The following ADGRG3 variants were observed in gnomAD, a reference collection of about 807,000 sequenced individuals.
ADGRG3 encodes the protein G protein-coupled receptor 97.
Under a neutral mutation model 54.3 loss-of-function variants are expected in ADGRG3, and 39 were observed. The observed-to-expected ratio is 0.72, with a 90% confidence interval of 0.56 to 0.94. ADGRG3 has a LOEUF of 0.94. ADGRG3 is among the 40% of genes least tolerant of loss of function. The pLI is 0.00. For synonymous variants in ADGRG3, 312 were observed against 290.0 expected (o/e 1.08, Z -0.77); for missense variants, 654 against 694.6 (o/e 0.94, Z 0.66).
intron 1 of ADGRG3, among the ~76,000 whole-genome samples, chr16:57,669,694 GCATTCATT>G (rs150185008): frequency 3.9e-5 from 6 of 152,144 alleles, no homozygotes; most frequent in Admixed American, 3.3e-4. Context: ...CTCCATTTGC[GCATTCATT>G]CATTCATTCA....
intron 8 of ADGRG3, among the ~76,000 whole-genome samples, chr16:57,683,144 A>G (rs1208258977): frequency 6.6e-6 from 1 of 152,210 alleles, no homozygotes; most frequent in Non-Finnish European, 1.5e-5. Context: ...CATTGAGAAC[A>G]GTGGGAAGAG....
At chr16:57,682,122 G>A (rs1597775443) in intron 8 of ADGRG3, among the ~76,000 whole-genome samples, 1 of 152,238 alleles carries the variant, frequency 6.6e-6, no homozygotes, top group East Asian at 1.9e-4. Context: ...CGTTCCTTAG[G>A]GAAACCTGGG....
Position 57,684,221 on chromosome 16 carries a change from T to G in ADGRG3, c.1162+9T>G. The G allele has an allele frequency of 6.2e-7, 1 of 1,609,714 alleles. No individual in the cohort carries two copies. The highest frequency in any genetic ancestry group is 8.5e-7 in the Non-Finnish European group (1 of 1,177,364). ...GAGCCTGGTGGGCTGGGGTAGGTGC[T>G]GCCTGGATGGACAGAATAAACGGCC... On this transcript the variant is annotated intron_variant, in intron 9 of 11. Transcript: ENST00000333493.
chr16:57,687,951 A>G (rs752018202), intron 11 of ADGRG3, among the ~76,000 whole-genome samples: 5 of 152,178 alleles, frequency 3.3e-5, no homozygotes, highest in African/African-American at 4.8e-5. Flanking sequence ...TTTCCTTGAA[A>G]CATAGAGTTT....
chr16:57,678,394 C>G (rs533642601), intron 4 of ADGRG3, 78 bp downstream of exon 4: 13 of 1,446,240 alleles, frequency 9.0e-6, no homozygotes, highest in South Asian at 2.3e-5. Flanking sequence ...GTCACTGGAG[C>G]CTGCCGAGGG....
chr16:57,668,361 G>A lies in ADGRG3; in HGVS notation c.14G>A (p.Arg5Lys). The A allele has an allele frequency of 6.4e-7, 1 of 1,574,324 alleles. No individual in the cohort carries two copies. The highest frequency in any genetic ancestry group is 1.8e-5 in the Admixed American group (1 of 54,394). ...GGCTGGCCAAGGATGGCGACGCCCA[G>A]GGGCCTGGGGGCCCTGCTCCTGCTC... The part of the protein sequence containing the change: MATP[R>K]GLGALLLLLL... The change falls in exon 1 of 12, where the codon AGG (arginine) becomes AAG (lysine). Residue 5 changes from arginine (R) to lysine (K), a missense_variant. Physicochemically the swap from Arg to Lys is conservative, Grantham distance 26. Transcript: ENST00000333493.
intron 5 of ADGRG3, 81 bp from the exon 6 acceptor site, chr16:57,679,735 G>A: frequency 9.2e-7 from 1 of 1,084,106 alleles, no homozygotes; most frequent in Non-Finnish European, 1.4e-6. Flanking sequence ...GGACTCGGGG[G>A]AGCACACCGT....
rs1424669060 is a variant in ADGRG3 at position 57,682,748 on chromosome 16, G to GA, written c.882-1183dup. ...GTGGGGGCTCCAGAGAGAGGGAGGT[G>GA]AGCCTGGTGAGTCACTGGACAGGGA... On this transcript the variant is annotated intron_variant, in intron 8 of 11. Coordinates refer to ENST00000333493, the MANE Select transcript of ADGRG3 (RefSeq NM_170776.5). 5 of 538,570 alleles carry GA rather than the reference G, an allele frequency of 9.3e-6. No homozygotes were observed. The African/African-American group carries it at 1.0e-4, about 11-fold the overall frequency. 33.4% of individuals were successfully genotyped at this position (538,570 alleles called of 1,614,324 possible).
At chr16:57,681,326 A>ATG (rs370835280) in intron 8 of ADGRG3, 2 of 147,790 alleles carry the variant, frequency 1.4e-5, no homozygotes, top group Admixed American at 6.8e-5. Flanking sequence ...ATGTACATTC[A>ATG]TGTGTGTGTC....
At chr16:57,676,462 T>C (rs1211162428) in intron 3 of ADGRG3, 124 bp downstream of exon 3, 10 of 857,634 alleles carry the variant, frequency 1.2e-5, no homozygotes, top group East Asian at 7.5e-5. Flanking sequence ...CACGTCCCAA[T>C]TGGCAGAGCT....
intron 11 of ADGRG3, among the ~76,000 whole-genome samples, chr16:57,687,927 G>T (rs139282475): frequency 1.3e-5 from 2 of 152,250 alleles, no homozygotes; most frequent in Non-Finnish European, 2.9e-5. Flanking sequence ...TGCATATAGA[G>T]GTTTAGTTAC....
rs925226764 is a variant in ADGRG3, at chr16:57,679,820, T to C, written c.632T>C (p.Met211Thr). Residue 211 changes from methionine to threonine, a missense_variant, in exon 6 of 12, where the codon ATG becomes ACG. Met to Thr is a moderately conservative substitution (Grantham distance 81). Transcript: ENST00000333493. ...VFSHQRPPPN[M>T]TLTCVFWDVT... Reference sequence around the variant, plus strand: ...ACTTCCACTCTTCGGTTTCAGAACATGACCCTCACCTGTGTATTCTGGGAT... The same window carrying C: ...ACTTCCACTCTTCGGTTTCAGAACACGACCCTCACCTGTGTATTCTGGGAT... The C allele has an allele frequency of 1.2e-6, 2 of 1,612,294 alleles. No homozygotes were observed. Among genetic ancestry groups the C allele is most frequent in the Admixed American group, 1.7e-5 (1 of 59,984 alleles).
At chr16:57,686,416 G>A (rs1174250825) in intron 11 of ADGRG3, among the ~76,000 whole-genome samples, 1 of 152,104 alleles carries the variant, frequency 6.6e-6, no homozygotes, top group Non-Finnish European at 1.5e-5. Context: ...ATGAGGATCC[G>A]CTCCAAGGAT....
intron 11 of ADGRG3, among the ~76,000 whole-genome samples, chr16:57,687,068 G>A (rs951225997): frequency 8.5e-5 from 13 of 152,172 alleles, no homozygotes; most frequent in Non-Finnish European, 1.0e-4. Flanking sequence ...TAGATGCAGC[G>A]GGTATAAGCC....
intron 2 of ADGRG3, 71 bp downstream of exon 2, chr16:57,673,539 G>A (rs2048201228): frequency 2.8e-6 from 4 of 1,425,996 alleles, no homozygotes; most frequent in South Asian, 2.5e-5. Flanking sequence ...AAGGGATGGG[G>A]CCATCTTCCC....
intron 4 of ADGRG3, chr16:57,678,550 C>T: frequency 1.8e-6 from 1 of 564,954 alleles, no homozygotes; most frequent in Non-Finnish European, 3.2e-6. Flanking sequence ...CACATGAGTG[C>T]CCTTTGGCTT....
At chr16:57,682,335 C>T (rs1460776866) in intron 8 of ADGRG3, 3 of 272,208 alleles carry the variant, frequency 1.1e-5, no homozygotes, top group African/African-American at 6.9e-5. Flanking sequence ...CTTGGGTCTC[C>T]TGCCCCCGCA....
intron 8 of ADGRG3, 112 bp from the exon 9 acceptor site, chr16:57,683,820 C>G (rs2048420052): frequency 1.3e-6 from 1 of 756,342 alleles, no homozygotes; most frequent in Non-Finnish European, 2.0e-6. Flanking sequence ...CAGGCAGGAG[C>G]TGGCAGTGGG....
At chr16:57,672,298 G>A (rs906620103) in intron 1 of ADGRG3, among the ~76,000 whole-genome samples, 1 of 151,494 alleles carries the variant, frequency 6.6e-6, no homozygotes, top group Admixed American at 6.6e-5. Context: ...AGCTGAGGCA[G>A]GAGGATCGCT....
Sources: allele counts gnomAD v4.1 joint callset (sites outside exome capture counted in the v4.1 genomes callset), GRCh38; gene constraint gnomAD v4.1.1; transcripts MANE v1.5; gene names NCBI Gene and HGNC (gene_info 2026-07-23, HGNC 2026-07-21).